The following BCAS3 variants were observed in gnomAD, a reference collection of about 807,000 sequenced individuals.
BCAS3 encodes the protein BCAS4/BCAS3 fusion.
BCAS3 carries 53 observed loss-of-function variants against 116.1 expected under a neutral mutation model. The observed-to-expected ratio is 0.46, with a 90% CI of 0.37 to 0.57. BCAS3 has a LOEUF of 0.57. Among genes scored for constraint, BCAS3 ranks in the 20% least tolerant of loss-of-function variants. The pLI is 0.00. For synonymous variants in BCAS3, 391 were observed against 408.2 expected (o/e 0.96, Z 0.51); for missense variants, 917 against 1,165.4 (o/e 0.79, Z 3.10).
chr17:61,252,760 G>C (rs2048463574), intron 22 of BCAS3, among the ~76,000 whole-genome samples: 1 of 152,094 alleles, frequency 6.6e-6, no homozygotes, highest in African/African-American at 2.4e-5. Flanking sequence ...ACCAATTGTG[G>C]AATCCATATC....
intron 22 of BCAS3, among the ~76,000 whole-genome samples, chr17:61,119,469 A>C (rs1186355625): frequency 3.9e-5 from 6 of 152,142 alleles, no homozygotes; most frequent in Admixed American, 3.9e-4. Flanking sequence ...GCATTTGATA[A>C]AATTCAGCAT....
chr17:60,928,505 C>G (rs2059478923), intron 13 of BCAS3, among the ~76,000 whole-genome samples: 1 of 152,164 alleles, frequency 6.6e-6, no homozygotes, highest in Admixed American at 6.5e-5. Context: ...GTTTAGATAT[C>G]TGTATTCAGT....
In BCAS3 at chr17:61,361,443, TG is replaced by T. The variant is rs2058446749; in HGVS notation, c.2426-6883del. 6.6e-6 allele frequency among the ~76,000 whole-genome samples: 1 copy of T among 152,198 alleles called. No individual in the cohort carries two copies. Among genetic ancestry groups the T allele is most frequent in the South Asian group, 2.1e-4 (1 of 4,834 alleles). On this transcript the variant is annotated intron_variant, in intron 22 of 23. Coordinates refer to ENST00000407086, the MANE Select transcript of BCAS3 (RefSeq NM_017679.5). The surrounding 1 kb of genome is among the most constrained non-coding windows in gnomAD (Gnocchi z 6.5). Reference sequence around the variant, plus strand: ...TTCCCTGGCTCAGGACCATGCGATATGATACACATAATATATAACATAATAT... The same window carrying T: ...TTCCCTGGCTCAGGACCATGCGATATATACACATAATATATAACATAATAT...
intron 6 of BCAS3, among the ~76,000 whole-genome samples, chr17:60,763,224 A>G (rs1394479840): frequency 6.6e-6 from 1 of 152,188 alleles, no homozygotes; most frequent in Non-Finnish European, 1.5e-5. Flanking sequence ...CAGAACTTCC[A>G]ACACTATGTT....
At chr17:60,880,448 C>T (rs1227060427) in intron 9 of BCAS3, among the ~76,000 whole-genome samples, 12 of 152,100 alleles carry the variant, frequency 7.9e-5, no homozygotes, top group Admixed American at 7.9e-4. Flanking sequence ...GCCACCACAC[C>T]CAGCTAATTT....
chr17:60,905,337 C>T (rs1409937817), intron 11 of BCAS3, among the ~76,000 whole-genome samples: 1 of 152,016 alleles, frequency 6.6e-6, no homozygotes, highest in African/African-American at 2.4e-5. Flanking sequence ...GCATAATTTG[C>T]ACATTTAACA....
At chr17:60,864,795 A>T (rs529233437) in intron 7 of BCAS3, among the ~76,000 whole-genome samples, 1 of 152,244 alleles carries the variant, frequency 6.6e-6, no homozygotes, top group Admixed American at 6.5e-5. Context: ...GAAATGAGAG[A>T]TATGCAACTC....
intron 22 of BCAS3, among the ~76,000 whole-genome samples, chr17:61,107,223 A>G (rs1478119704): frequency 6.7e-6 from 1 of 150,368 alleles, no homozygotes; most frequent in Non-Finnish European, 1.5e-5. Context: ...AGTAGCTGGG[A>G]TTACAGGTGT....
chr17:61,384,901 A>T (rs1277453816), intron 23 of BCAS3, among the ~76,000 whole-genome samples: 1 of 152,172 alleles, frequency 6.6e-6, no homozygotes, highest in African/African-American at 2.4e-5. Context: ...CCCACACTGC[A>T]GGGTGAAGCC....
intron 6 of BCAS3, among the ~76,000 whole-genome samples, chr17:60,757,394 ATGTGTGTGTGTGTGTGTGTG>A (rs61645091): frequency 2.9e-5 from 4 of 136,606 alleles, no homozygotes; most frequent in African/African-American, 8.2e-5. Flanking sequence ...CAGCATGTAT[ATGTGTGTGTGTGTGTGTGTG>A]TGTGTGTGTG....
chr17:60,751,375 T>G (rs2042438693), intron 6 of BCAS3, among the ~76,000 whole-genome samples: 1 of 152,238 alleles, frequency 6.6e-6, no homozygotes, highest in South Asian at 2.1e-4. Context: ...CAGAACTTAA[T>G]TCCAAGTAAT....
At chr17:61,146,085 T>C (rs893006775) in intron 22 of BCAS3, among the ~76,000 whole-genome samples, 2 of 150,692 alleles carry the variant, frequency 1.3e-5, no homozygotes, top group Non-Finnish European at 2.9e-5. Flanking sequence ...GACACAGTAC[T>C]GTTCACAAGG....
intron 5 of BCAS3, among the ~76,000 whole-genome samples, chr17:60,724,009 C>T (rs552156933): frequency 6.6e-5 from 10 of 151,680 alleles, no homozygotes; most frequent in Admixed American, 4.6e-4. Flanking sequence ...CGTGAGCCAC[C>T]GTGCCCGGCC....
At position 61,029,144 on chromosome 17, in the gene BCAS3, G is replaced by GAAATTTTT; in HGVS notation, c.1638-5517_1638-5510dup. On this transcript the variant is annotated intron_variant, in intron 16 of 23. Coordinates refer to ENST00000407086, the MANE Select transcript of BCAS3 (RefSeq NM_017679.5). This position sits in a 1 kb window ranked among gnomAD's most constrained non-coding sequence, Gnocchi z 5.2. ...AATATATGTATTTTGGATGAAAAATGAAATTTTTAAATGAAATGTAAATTT... is the reference window on the plus strand; with the variant it reads ...AATATATGTATTTTGGATGAAAAATGAAATTTTTAAATTTTTAAATGAAATGTAAATTT... Among the ~76,000 whole-genome samples the GAAATTTTT allele has an allele frequency of 1.3e-5, 2 of 151,994 alleles. No homozygotes were observed. Among genetic ancestry groups the GAAATTTTT allele is most frequent in the East Asian group, 3.9e-4 (2 of 5,190 alleles).
At position 61,373,804 on chromosome 17, in the gene BCAS3, C is replaced by CTTTTTTTTTTTTTTTTTT. The variant is rs201141656; in HGVS notation, c.2593+5313_2593+5314insTTTTTTTTTTTTTTTTTT. ...TTGCTGCTGTTAACTTCTTCTTCTT[C>CTTTTTTTTTTTTTTTTTT]TTTGTTTTTTTTTTTTTTTTTTTTG... is the stretch of plus-strand genomic sequence containing the variant. On this transcript the variant is annotated intron_variant, in intron 23 of 23. Transcript: ENST00000407086. Among the ~76,000 whole-genome samples the CTTTTTTTTTTTTTTTTTT allele has an allele frequency of 5.3e-5, 4 of 76,084 alleles. 2 individuals carry two copies. Among genetic ancestry groups the CTTTTTTTTTTTTTTTTTT allele is most frequent in the Non-Finnish European group, 1.1e-4 (4 of 36,686 alleles). 49.9% of individuals were successfully genotyped at this position (76,084 alleles called of 152,430 possible). A position where few individuals can be genotyped will look rare whatever the true frequency, so the allele number is the denominator to read the frequency against.
intron 22 of BCAS3, among the ~76,000 whole-genome samples, chr17:61,089,809 G>A (rs1012967849): frequency 6.6e-6 from 1 of 151,590 alleles, no homozygotes; most frequent in Admixed American, 6.6e-5. Flanking sequence ...TGGGATTACA[G>A]GCATGAACCA....
intron 15 of BCAS3, among the ~76,000 whole-genome samples, chr17:61,014,104 C>CTG (rs1252136650): frequency 6.6e-6 from 1 of 151,982 alleles, no homozygotes; most frequent in African/African-American, 2.4e-5. Context: ...TGTGTGTTTA[C>CTG]TGTGGTTATT....
chr17:60,817,405 A>C lies in BCAS3; in HGVS notation c.476+9329A>C, dbSNP rs1175829429. The stretch of plus-strand genomic sequence containing the variant: ...GATCTTGTTGGCTACTATGAGTAAT[A>C]GCAAATGAGTAACATTATTCAAGAG... On this transcript the variant is annotated intron_variant, in intron 7 of 23. Coordinates refer to ENST00000407086, the MANE Select transcript of BCAS3 (RefSeq NM_017679.5). Among the ~76,000 whole-genome samples the C allele has an allele frequency of 2.6e-5, 4 of 152,364 alleles. No individual in the cohort carries two copies. In the East Asian group the frequency reaches 5.8e-4, roughly 22 times the overall value.
intron 7 of BCAS3, chr17:60,811,520 T>TAA (rs548812040): frequency 1.5e-4 from 44 of 298,222 alleles, no homozygotes; most frequent in South Asian, 2.5e-4. Flanking sequence ...AGTTCAGAGG[T>TAA]AAAAAAAAAA....
Sources: gnomAD v4.1 joint callset for allele counts (sites outside exome capture counted in the v4.1 genomes callset) on GRCh38, gnomAD v4.1.1 for gene constraint, Gnocchi (gnomAD v3.1) non-coding constraint, MANE v1.5 for transcripts, NCBI Gene and HGNC (gene_info 2026-07-23, HGNC 2026-07-21) for gene names.